Variants in CAMK2A observed in about 807,000 individuals in gnomAD.
The protein encoded by CAMK2A is calcium/calmodulin-dependent protein kinase type II subunit alpha.
Under a neutral mutation model 79.2 loss-of-function variants are expected in CAMK2A, and 7 were observed. The ratio of observed to expected loss-of-function variants is 0.09; its 90% CI spans 0.05 to 0.17. The LOEUF (loss-of-function observed/expected upper bound fraction) is 0.17. CAMK2A is among the 10% of genes least tolerant of loss of function. The pLI, the probability that CAMK2A is intolerant of heterozygous loss-of-function variation, is 1.00. For synonymous variants in CAMK2A, 242 were observed against 251.7 expected, an observed-to-expected ratio of 0.96 and a Z score of 0.36; for missense variants, 214 against 646.4, an observed-to-expected ratio of 0.33 and a Z score of 7.25.
chr5:150,281,531 T>G (rs1757216228), intron 1 of CAMK2A, among the ~76,000 whole-genome samples: 2 of 152,224 alleles, frequency 1.3e-5, no homozygotes, highest in Non-Finnish European at 2.9e-5. Flanking sequence ...CACCCCCTCC[T>G]ATTCCAAAGC....
intron 9 of CAMK2A, among the ~76,000 whole-genome samples, chr5:150,251,101 G>A (rs928990637): frequency 1.3e-5 from 2 of 152,258 alleles, no homozygotes; most frequent in Non-Finnish European, 2.9e-5. Context: ...CAAAAGGCCT[G>A]GATTCAAGTC....
intron 4 of CAMK2A, 119 bp downstream of exon 4, chr5:150,257,443 AC>A: frequency 3.5e-6 from 3 of 845,594 alleles, no homozygotes; most frequent in Non-Finnish European, 5.9e-6. Flanking sequence ...TGGCAGGCCC[AC>A]CACATTTGGG....
chr5:150,272,827 C>T (rs1456808158), intron 2 of CAMK2A, among the ~76,000 whole-genome samples: 1 of 151,756 alleles, frequency 6.6e-6, no homozygotes, highest in African/African-American at 2.4e-5. Context: ...CAGCCCTCAC[C>T]CGTGAGGCAC....
At chr5:150,230,376 CT>C (rs1754791505) in intron 16 of CAMK2A, among the ~76,000 whole-genome samples, 1 of 150,728 alleles carries the variant, frequency 6.6e-6, no homozygotes, top group South Asian at 2.1e-4. Flanking sequence ...TCTGCCAAGC[CT>C]TTGAGAGGCA....
chr5:150,259,207 GATAAA>G lies in CAMK2A; in HGVS notation c.218-1595_218-1591del, dbSNP rs777315449. 5.9e-5 allele frequency among the ~76,000 whole-genome samples: 9 copies of G among 151,286 alleles called. No homozygotes were observed. In the East Asian group the frequency reaches 7.8e-4, roughly 13 times the overall value. Reference sequence around the variant, plus strand: ...AAAAATAAAAACTAAAATAAAATAAGATAAAATAAAATAAAATAAAATAAAAATTT... The same window carrying G: ...AAAAATAAAAACTAAAATAAAATAAGATAAAATAAAATAAAATAAAAATTT... On this transcript the variant is annotated intron_variant, in intron 3 of 18. Coordinates refer to ENST00000671881, the MANE Select transcript of CAMK2A (RefSeq NM_015981.4).
At chr5:150,253,872 CA>C (rs1755942180) in intron 6 of CAMK2A, among the ~76,000 whole-genome samples, 1 of 151,700 alleles carries the variant, frequency 6.6e-6, no homozygotes, top group African/African-American at 2.4e-5. Flanking sequence ...GCAGCAGCAG[CA>C]GCAGCATTGA....
chr5:150,225,077 TGAGAGA>T (rs1222337675), intron 17 of CAMK2A, among the ~76,000 whole-genome samples: 1 of 89,202 alleles, frequency 1.1e-5, no homozygotes, highest in Non-Finnish European at 2.3e-5. Context: ...AGAGAGAAAG[TGAGAGA>T]GAGAGAGAGA....
chr5:150,232,343 T>C (rs769738840), intron 15 of CAMK2A, among the ~76,000 whole-genome samples: 27 of 152,208 alleles, frequency 1.8e-4, no homozygotes, highest in Non-Finnish European at 3.8e-4. Context: ...GCCTGGCACA[T>C]AGTGGGTGCA....
intron 13 of CAMK2A, among the ~76,000 whole-genome samples, chr5:150,242,396 C>T (rs1580912131): frequency 1.3e-5 from 2 of 152,148 alleles, no homozygotes; most frequent in Admixed American, 1.3e-4. Context: ...AAAAGCCCTC[C>T]AAGGCCCATA....
chr5:150,243,221 G>GAC (rs2114049971), intron 13 of CAMK2A, among the ~76,000 whole-genome samples: 1 of 152,306 alleles, frequency 6.6e-6, no homozygotes, highest in South Asian at 2.1e-4. Context: ...GAGCCAAGCA[G>GAC]ACCAGGGCAG....
intron 15 of CAMK2A, among the ~76,000 whole-genome samples, chr5:150,231,920 T>C (rs1367519961): frequency 1.3e-5 from 2 of 152,186 alleles, no homozygotes; most frequent in African/African-American, 2.4e-5. Context: ...TCTTGCTCTA[T>C]TTGGGTGCCG....
rs1754828457 is a variant in CAMK2A, at chr5:150,231,311, G to A, written c.1136C>T (p.Ser379Phe). 2.5e-6 allele frequency: 4 copies of A among 1,584,318 alleles called. No individual in the cohort carries two copies. The highest frequency in any genetic ancestry group is 3.4e-6 in the Non-Finnish European group (4 of 1,164,170). Reference sequence around the variant, plus strand: ...ATGAGCCCAGCTGACTCACGTGTAGGACTCAAAATCTCCATTGCTTATGGC... The same window carrying A: ...ATGAGCCCAGCTGACTCACGTGTAGAACTCAAAATCTCCATTGCTTATGGC... ...IEAISNGDFE[S>F]YTKMCDPGMT... The change falls in exon 16 of 19, where the codon TCC becomes TTC. Residue 379 changes from serine to phenylalanine, a missense_variant. Ser to Phe is a radical substitution (Grantham distance 155). Coordinates refer to ENST00000671881, the MANE Select transcript of CAMK2A (RefSeq NM_015981.4).
At chr5:150,232,692 A>G (rs1382187594) in intron 15 of CAMK2A, among the ~76,000 whole-genome samples, 2 of 152,164 alleles carry the variant, frequency 1.3e-5, no homozygotes, top group Admixed American at 6.5e-5. Context: ...TGGCCTCAGC[A>G]TTTCTCAGTC....
chr5:150,243,104 C>T (rs1352593467), intron 13 of CAMK2A, among the ~76,000 whole-genome samples: 1 of 152,214 alleles, frequency 6.6e-6, no homozygotes, highest in Non-Finnish European at 1.5e-5. Context: ...GCAGCTTCTG[C>T]CTCCTGGCCT....
chr5:150,231,532 G>A lies in CAMK2A; in HGVS notation c.1067-152C>T, dbSNP rs141815690. On this transcript the variant is annotated intron_variant, in intron 15 of 18. Coordinates refer to ENST00000671881, the MANE Select transcript of CAMK2A (RefSeq NM_015981.4). ...TGGGACCTGAAGACCTCATGCAGATGATCTCATTTATCCTCGCATTGCTGC... is the reference window on the plus strand; with the variant it reads ...TGGGACCTGAAGACCTCATGCAGATAATCTCATTTATCCTCGCATTGCTGC... 3.9e-4 allele frequency: 121 copies of A among 308,060 alleles called. 1 individual carries two copies. Among genetic ancestry groups the A allele is most frequent in the African/African-American group, 2.4e-3 (107 of 45,490 alleles). The allele number at this position is 308,060 out of a possible 1,614,324, so 19.1% of individuals were successfully genotyped here.
intron 4 of CAMK2A, among the ~76,000 whole-genome samples, chr5:150,257,055 C>T (rs893183454): frequency 2.6e-5 from 4 of 152,328 alleles, no homozygotes; most frequent in Non-Finnish European, 5.9e-5. Flanking sequence ...ATCCCCGGCC[C>T]TTCTTCCCCA....
At chr5:150,250,896 G>A in intron 9 of CAMK2A, 86 bp from the exon 10 acceptor site, 1 of 1,493,702 alleles carries the variant, frequency 6.7e-7, no homozygotes, top group Non-Finnish European at 9.2e-7. Flanking sequence ...AGGGGAGCAG[G>A]CAGGGGTCCT....
chr5:150,286,219 C>G (rs578113962), intron 1 of CAMK2A, among the ~76,000 whole-genome samples: 6 of 152,322 alleles, frequency 3.9e-5, no homozygotes, highest in Admixed American at 3.9e-4. Context: ...TCCCAAGAGA[C>G]AGCCCCACCC....
At chr5:150,231,457 A>C (rs1754839362) in intron 15 of CAMK2A, 77 bp from the exon 16 acceptor site, 2 of 634,516 alleles carry the variant, frequency 3.2e-6, no homozygotes, top group South Asian at 1.1e-4. Flanking sequence ...GATGGTAATG[A>C]AGCACCAACT....
Sources: gnomAD v4.1 joint callset for allele counts (sites outside exome capture counted in the v4.1 genomes callset) on GRCh38, gnomAD v4.1.1 for gene constraint, MANE v1.5 for transcripts, NCBI Gene and HGNC (gene_info 2026-07-23, HGNC 2026-07-21) for gene names.